CERT1: variants seen among roughly 807,000 people sequenced by gnomAD.
CERT1 encodes the protein ceramide transfer protein.
In CERT1, 31 loss-of-function variants were observed where a neutral mutation model predicts 87.9. The ratio of observed to expected loss-of-function variants is 0.35; its 90% confidence interval spans 0.27 to 0.48. The LOEUF (loss-of-function observed/expected upper bound fraction) is 0.48, where lower values mean the gene tolerates loss of function less well. Among genes scored for constraint, CERT1 ranks in the 20% least tolerant of loss-of-function variants. The pLI, the probability that CERT1 is intolerant of heterozygous loss-of-function variation, is 0.99. For synonymous variants in CERT1, 289 were observed against 250.9 expected, an observed-to-expected ratio of 1.15 and a Z score of -1.44; for missense variants, 487 against 758.0, an observed-to-expected ratio of 0.64 and a Z score of 4.20.
rs1319173960 is a variant in CERT1, at chr5:75,425,495, C to T, written c.461G>A (p.Gly154Asp). Reference sequence around the variant, plus strand: ...AGCCAACTTCTCACGTAAACTGTGGCCTTTCTGCAAAACATAAAATAGGGG... The same window carrying T: ...AGCCAACTTCTCACGTAAACTGTGGTCTTTCTGCAAAACATAAAATAGGGG... ...SATSTSSFKK[G>D]HSLREKLAEM... The change falls in exon 5 of 17, where the codon GGC becomes GAC. Residue 154 changes from glycine (G) to aspartate (D), a missense_variant. Gly to Asp is a moderately conservative substitution (Grantham distance 94). Transcript: ENST00000643780. 1 of 1,612,276 alleles carries T rather than the reference C, an allele frequency of 6.2e-7. No homozygotes were observed. The highest frequency in any genetic ancestry group is 1.3e-5 in the African/African-American group (1 of 74,950).
At chr5:75,493,234 G>T (rs1319631285) in intron 2 of CERT1, among the ~76,000 whole-genome samples, 1 of 152,076 alleles carries the variant, frequency 6.6e-6, no homozygotes, top group Non-Finnish European at 1.5e-5. Context: ...TTAACTCATG[G>T]TTATTCTTTT....
At chr5:75,471,454 ACTACTG>A (rs1245498723) in intron 2 of CERT1, among the ~76,000 whole-genome samples, 1 of 152,142 alleles carries the variant, frequency 6.6e-6, no homozygotes, top group Non-Finnish European at 1.5e-5. Context: ...ACCTTATGGG[ACTACTG>A]GCTTAGAAGT....
chr5:75,480,389 A>G (rs951940216), intron 2 of CERT1, among the ~76,000 whole-genome samples: 8 of 152,160 alleles, frequency 5.3e-5, no homozygotes, highest in Non-Finnish European at 1.0e-4. Context: ...CTTATATCTC[A>G]TTGTTAAGGA....
chr5:75,411,295 CCTA>C (rs1418676776), intron 7 of CERT1, among the ~76,000 whole-genome samples, 192 bp from the exon 8 acceptor site: 2 of 150,868 alleles, frequency 1.3e-5, no homozygotes, highest in Non-Finnish European at 3.0e-5. Flanking sequence ...TTACTTACAA[CCTA>C]CTATTTATGT....
At position 75,399,467 on chromosome 5, in the gene CERT1, A is replaced by C. The variant is rs891320762; in HGVS notation, c.1111-80T>G. On this transcript the variant is annotated intron_variant, in intron 10 of 16. Coordinates refer to ENST00000643780, the MANE Select transcript of CERT1 (RefSeq NM_001379029.1). ...GCATTCAGTACCAACTTCCAAACACAAGATAAAGGGAAGAGAAAACAAAGC... is the reference window on the plus strand; with the variant it reads ...GCATTCAGTACCAACTTCCAAACACCAGATAAAGGGAAGAGAAAACAAAGC... 7 of 996,272 alleles carry C rather than the reference A, an allele frequency of 7.0e-6. No individual in the cohort carries two copies. In the Admixed American group the frequency reaches 1.3e-4, roughly 19 times the overall value. The allele number at this position is 996,272 out of a possible 1,614,324, so 61.7% of individuals were successfully genotyped here.
intron 11 of CERT1, among the ~76,000 whole-genome samples, chr5:75,396,729 CAA>C (rs375730002): frequency 2.1e-4 from 19 of 92,606 alleles, no homozygotes; most frequent in African/African-American, 4.0e-4. Flanking sequence ...AACTCCGTCT[CAA>C]AAAAAAAAAA....
chr5:75,386,793 C>G (rs754241990), intron 12 of CERT1, among the ~76,000 whole-genome samples: 22 of 152,168 alleles, frequency 1.4e-4, no homozygotes, highest in African/African-American at 4.8e-4. Context: ...CACCGTTTTC[C>G]CAGCTACCCA....
Position 75,426,507 on chromosome 5 carries a change from G to C in CERT1, c.349-29C>G, listed in dbSNP as rs139392354. 2.2e-5 allele frequency: 33 copies of C among 1,479,984 alleles called. No individual in the cohort carries two copies. In the East Asian group the frequency reaches 7.3e-4, roughly 33 times the overall value. 91.7% of individuals were successfully genotyped at this position (1,479,984 alleles called of 1,614,324 possible). On this transcript the variant is annotated intron_variant, in intron 3 of 16. Coordinates refer to ENST00000643780, the MANE Select transcript of CERT1 (RefSeq NM_001379029.1). Reference sequence around the variant, plus strand: ...AAAAAAAAAGTAAACTATGTGAAAAGAATTTAAATAAAAAATACTTGAGAA... The same window carrying C: ...AAAAAAAAAGTAAACTATGTGAAAACAATTTAAATAAAAAATACTTGAGAA...
At chr5:75,388,339 A>G (rs567441791) in intron 12 of CERT1, among the ~76,000 whole-genome samples, 39 of 152,202 alleles carry the variant, frequency 2.6e-4, no homozygotes, top group African/African-American at 9.4e-4. Flanking sequence ...TCTGGTCAAC[A>G]TAGATTATGC....
intron 5 of CERT1, among the ~76,000 whole-genome samples, chr5:75,423,909 A>T (rs1225513877): frequency 1.3e-5 from 2 of 152,168 alleles, no homozygotes; most frequent in African/African-American, 4.8e-5. Flanking sequence ...AGAAAAAGGG[A>T]ATATAGAATA....
At chr5:75,438,487 C>T (rs145789068) in intron 3 of CERT1, among the ~76,000 whole-genome samples, 3,216 of 152,212 alleles carry the variant, frequency 0.021, 39 homozygotes, top group Non-Finnish European at 0.03. Flanking sequence ...TTGTAACATG[C>T]TTTCAAAATC....
intron 3 of CERT1, among the ~76,000 whole-genome samples, chr5:75,432,889 G>A (rs1256543860): frequency 2.0e-5 from 3 of 152,070 alleles, no homozygotes; most frequent in Admixed American, 2.0e-4. Context: ...GTGAGAGGAA[G>A]GCATCCAGTT....
chr5:75,426,999 G>A (rs1287850154), intron 3 of CERT1, among the ~76,000 whole-genome samples: 2 of 152,114 alleles, frequency 1.3e-5, no homozygotes, highest in African/African-American at 4.8e-5. Context: ...AATAGTTTGT[G>A]TTTTGTTATT....
chr5:75,476,937 C>T (rs1033975740), intron 2 of CERT1, among the ~76,000 whole-genome samples: 1 of 152,146 alleles, frequency 6.6e-6, no homozygotes, highest in African/African-American at 2.4e-5. Flanking sequence ...AGTCATCTCA[C>T]TTAGTTTTAA....
At chr5:75,483,050 C>G (rs1766330407) in intron 2 of CERT1, among the ~76,000 whole-genome samples, 1 of 152,124 alleles carries the variant, frequency 6.6e-6, no homozygotes, top group Non-Finnish European at 1.5e-5. Flanking sequence ...AGTAAGGCAC[C>G]AGTGATAAAT....
chr5:75,438,111 C>G (rs1398493595), intron 3 of CERT1, among the ~76,000 whole-genome samples: 4 of 152,006 alleles, frequency 2.6e-5, no homozygotes, highest in Non-Finnish European at 4.4e-5. Flanking sequence ...AGAAAAGACT[C>G]ATTATATTAA....
chr5:75,463,417 A>G (rs561949164), intron 2 of CERT1, among the ~76,000 whole-genome samples: 3 of 152,276 alleles, frequency 2.0e-5, no homozygotes, highest in African/African-American at 7.2e-5. Context: ...TGCTACAGGA[A>G]AAAGACATCT....
rs532608945 is a variant in CERT1, at chr5:75,484,558, T to C, written c.231+21424A>G. Among the ~76,000 whole-genome samples the C allele has an allele frequency of 5.3e-5, 8 of 150,366 alleles. No homozygotes were observed. The East Asian group carries it at 1.2e-3, about 22-fold the overall frequency. On this transcript the variant is annotated intron_variant, in intron 2 of 16. Coordinates refer to ENST00000643780, the MANE Select transcript of CERT1 (RefSeq NM_001379029.1). ...CTGAAAATAAAAGAATGGAAAAAGA[T>C]ATTCCATGCCAATGGAAAGCAAAAA...
intron 3 of CERT1, among the ~76,000 whole-genome samples, chr5:75,452,651 C>T (rs1278003840): frequency 6.6e-6 from 1 of 152,030 alleles, no homozygotes; most frequent in Non-Finnish European, 1.5e-5. Flanking sequence ...ACAAATTATA[C>T]AGAAAATGCT....
Sources: allele counts gnomAD v4.1 joint callset (sites outside exome capture counted in the v4.1 genomes callset), GRCh38; gene constraint gnomAD v4.1.1; transcripts MANE v1.5; gene names NCBI Gene and HGNC (gene_info 2026-07-23, HGNC 2026-07-21).